The following FAM120A variants were observed in gnomAD, a reference collection of about 807,000 sequenced individuals.
FAM120A encodes constitutive coactivator of PPAR-gamma-like protein 1.
In FAM120A, 15 loss-of-function variants were observed where a neutral mutation model predicts 109.7. That is an observed-to-expected ratio of 0.14 (90% CI 0.09 to 0.21). FAM120A has a LOEUF of 0.21. FAM120A is among the 10% of genes least tolerant of loss of function. FAM120A has a pLI of 1.00. For missense variants in FAM120A, 899 were observed against 1,439.3 expected, an observed-to-expected ratio of 0.62 and a Z score of 6.07; for synonymous variants, 493 against 572.8, an observed-to-expected ratio of 0.86 and a Z score of 1.99.
intron 3 of FAM120A, among the ~76,000 whole-genome samples, chr9:93,485,743 C>T (rs1168320509): frequency 2.0e-5 from 3 of 152,136 alleles, no homozygotes; most frequent in East Asian, 3.9e-4. Flanking sequence ...GAGACTCTAG[C>T]CCCTGTCACC....
intron 1 of FAM120A, among the ~76,000 whole-genome samples, chr9:93,465,491 C>G (rs750799113): frequency 6.6e-6 from 1 of 152,140 alleles, no homozygotes. Flanking sequence ...TTATTTTTCA[C>G]GTGCCTGTTA....
chr9:93,497,509 A>G lies in FAM120A; in HGVS notation c.843A>G (p.Val281=), dbSNP rs370053097. 6.2e-7 allele frequency: 1 copy of G among 1,613,764 alleles called. No individual in the cohort carries two copies. The highest frequency in any genetic ancestry group is 8.5e-7 in the Non-Finnish European group (1 of 1,179,836). ...AGCTGGTCTTGCCACCTTGCGACGT[A>G]GTGATCAAAGCCGTTGCTGACTATG... ...AHQLVLPPCD[V]VIKAVADYVR... The change falls in exon 4 of 18, where the codon GTA becomes GTG. Residue 281 remains valine (V), a synonymous_variant. Transcript: ENST00000277165.
chr9:93,491,911 C>T (rs781503468), intron 3 of FAM120A, among the ~76,000 whole-genome samples: 130 of 152,222 alleles, frequency 8.5e-4, no homozygotes, highest in Non-Finnish European at 1.5e-3. Context: ...TATACACTGT[C>T]TCTAAGCAGC....
At chr9:93,556,236 T>G in intron 12 of FAM120A, 146 bp from the exon 13 acceptor site, 1 of 626,316 alleles carries the variant, frequency 1.6e-6, no homozygotes, top group Non-Finnish European at 2.8e-6. Flanking sequence ...CAGTGTTAGG[T>G]CAATATAAGG....
At chr9:93,513,623 C>T (rs7021757) in intron 5 of FAM120A, among the ~76,000 whole-genome samples, 4,527 of 152,236 alleles carry the variant, frequency 0.03, 237 homozygotes, top group African/African-American at 0.1. Context: ...GAGCCAGGAT[C>T]GAAGGGCTAT....
chr9:93,552,958 G>C (rs10046907), intron 12 of FAM120A, among the ~76,000 whole-genome samples: 22,918 of 152,176 alleles, frequency 0.15, 4,055 homozygotes, highest in African/African-American at 0.43. Context: ...TGACAGTTAG[G>C]ACTCTTGTTA....
At chr9:93,563,109 T>G (rs1862529530) in intron 17 of FAM120A, among the ~76,000 whole-genome samples, 1 of 152,182 alleles carries the variant, frequency 6.6e-6, no homozygotes, top group African/African-American at 2.4e-5. Context: ...GGAGAGTATG[T>G]GGGGACCCTT....
At position 93,557,990 on chromosome 9, in the gene FAM120A, G is replaced by T. The variant is rs1474010177; in HGVS notation, c.2648G>T (p.Gly883Val). ...RHFGPVPPSQ[G>V]RGRGFAGVCG... The stretch of plus-strand genomic sequence containing the variant: ...TTTGGGCCTGTCCCACCCTCTCAGG[G>T]CAGGGGCAGAGGCTTTGCAGGTGAG... The change falls in exon 14 of 18, where the codon GGC (glycine) becomes GTC (valine). Residue 883 changes from glycine (G) to valine (V), a missense_variant. By Grantham distance (109) the Gly-to-Val change is moderately radical. Transcript: ENST00000277165. 6.3e-7 allele frequency: 1 copy of T among 1,598,916 alleles called. No individual in the cohort carries two copies. The highest frequency in any genetic ancestry group is 1.3e-5 in the African/African-American group (1 of 74,860).
intron 13 of FAM120A, among the ~76,000 whole-genome samples, chr9:93,557,245 T>G (rs1053432269): frequency 1.3e-5 from 2 of 151,832 alleles, no homozygotes; most frequent in Non-Finnish European, 2.9e-5. Context: ...TTCTCCTGCT[T>G]TAGCCTCCCT....
chr9:93,463,686 C>T (rs947270606), intron 1 of FAM120A, among the ~76,000 whole-genome samples: 3 of 152,124 alleles, frequency 2.0e-5, no homozygotes, highest in African/African-American at 7.2e-5. Context: ...CCTATACGCT[C>T]TTATGTCAGG....
chr9:93,496,837 G>A (rs532761423), intron 3 of FAM120A, among the ~76,000 whole-genome samples: 109 of 152,218 alleles, frequency 7.2e-4, no homozygotes, highest in Non-Finnish European at 1.0e-3. Flanking sequence ...CGTTTTTCTA[G>A]TGTCAGCTGT....
At chr9:93,553,096 T>C (rs1399375679) in intron 12 of FAM120A, among the ~76,000 whole-genome samples, 1 of 152,250 alleles carries the variant, frequency 6.6e-6, no homozygotes, top group Non-Finnish European at 1.5e-5. Context: ...GAGTGTTCCA[T>C]GTGGCTCCTT....
At chr9:93,464,918 A>G (rs753441218) in intron 1 of FAM120A, among the ~76,000 whole-genome samples, 8 of 152,382 alleles carry the variant, frequency 5.2e-5, no homozygotes, top group Non-Finnish European at 1.2e-4. Flanking sequence ...GTTTTAACCC[A>G]CTTCTGAAAT....
intron 3 of FAM120A, among the ~76,000 whole-genome samples, chr9:93,479,211 G>C (rs1462917709): frequency 1.4e-5 from 2 of 146,078 alleles, no homozygotes; most frequent in African/African-American, 5.1e-5. Context: ...CCATTCTCCT[G>C]CCTCAGCCTC....
intron 5 of FAM120A, among the ~76,000 whole-genome samples, chr9:93,506,632 C>G (rs532317455): frequency 1.0e-3 from 151 of 151,014 alleles, no homozygotes; most frequent in Non-Finnish European, 1.8e-3. Flanking sequence ...GAGTCTCGCT[C>G]TGTCGCCCAG....
At chr9:93,470,440 A>G (rs922580873) in intron 1 of FAM120A, among the ~76,000 whole-genome samples, 2 of 152,040 alleles carry the variant, frequency 1.3e-5, no homozygotes, top group Non-Finnish European at 2.9e-5. Flanking sequence ...GGTATTGTGG[A>G]TGTTACATTG....
At position 93,529,517 on chromosome 9, in the gene FAM120A, A is replaced by T. The variant is rs1215341466; in HGVS notation, c.1671A>T (p.Arg557Ser). 1 of 1,614,108 alleles carries T rather than the reference A, an allele frequency of 6.2e-7. No individual in the cohort carries two copies. Among genetic ancestry groups the T allele is most frequent in the African/African-American group, 1.3e-5 (1 of 74,940 alleles). The change falls in exon 9 of 18, where the codon AGA becomes AGT. Residue 557 changes from arginine (R) to serine (S), a missense_variant. Coordinates refer to ENST00000277165, the MANE Select transcript of FAM120A (RefSeq NM_014612.5). ...CCCCCGTCGCACCTGAGGTGCTGAG[A>T]GTGGCCGAGCACAGGCACAAGAAGG... The part of the protein sequence containing the change: ...PLPPVAPEVL[R>S]VAEHRHKKGL...
chr9:93,453,215 G>A (rs1363818828), intron 1 of FAM120A: 3 of 1,002,312 alleles, frequency 3.0e-6, no homozygotes, highest in Non-Finnish European at 3.6e-6. Context: ...TGCACAGTAA[G>A]TATTCAGTGA....
At chr9:93,535,963 G>T (rs1294870512) in intron 10 of FAM120A, among the ~76,000 whole-genome samples, 1 of 152,126 alleles carries the variant, frequency 6.6e-6, no homozygotes, top group Non-Finnish European at 1.5e-5. Context: ...CCCTGCTCAG[G>T]CCATTGATTT....
Sources: allele counts gnomAD v4.1 joint callset (sites outside exome capture counted in the v4.1 genomes callset), GRCh38; gene constraint gnomAD v4.1.1; transcripts MANE v1.5; gene names NCBI Gene and HGNC (gene_info 2026-07-23, HGNC 2026-07-21).